Variants in BRWD3 observed in about 807,000 individuals in gnomAD.
BRWD3 encodes bromodomain and WD repeat domain containing 3.
In BRWD3, 10 loss-of-function variants were observed where a neutral mutation model predicts 149.7. The observed-to-expected ratio is 0.07, with a 90% confidence interval of 0.04 to 0.11. The LOEUF is 0.11. Among genes scored for constraint, BRWD3 ranks in the 10% least tolerant of loss-of-function variants. BRWD3 has a pLI of 1.00. For missense variants in BRWD3, 940 were observed against 1,373.2 expected (o/e 0.68, Z 4.99); for synonymous variants, 504 against 456.7 (o/e 1.10, Z -1.32).
chrX:80,684,852 G>A (rs758240203), intron 36 of BRWD3, among the ~76,000 whole-genome samples: 50 of 110,789 alleles, frequency 4.5e-4, no homozygotes, highest in Non-Finnish European at 8.7e-4. Flanking sequence ...AAGTTTCAGA[G>A]TGAAAACCAT....
chrX:80,735,621 G>A (rs1216248239), intron 9 of BRWD3, among the ~76,000 whole-genome samples: 4 of 109,776 alleles, frequency 3.6e-5, no homozygotes. Context: ...TGGCTAACAC[G>A]GTGAAACCCT....
chrX:80,723,767 C>T lies in BRWD3; in HGVS notation c.1631G>A (p.Cys544Tyr). The T allele has an allele frequency of 8.3e-7, 1 of 1,210,571 alleles. No individual in the cohort carries two copies. The highest frequency in any genetic ancestry group is 1.1e-6 in the Non-Finnish European group (1 of 894,447). The change falls in exon 16 of 41, where the codon TGC becomes TAC. Residue 544 changes from cysteine (C) to tyrosine (Y), a missense_variant. Transcript: ENST00000373275. ...HGHLLLFGFG[C>Y]SKYYEKIPDQ... ...GCTAACCTTTTCGTAGTATTTACTG[C>T]ATCCAAAACCAAAAAGCAGCAAATG...
chrX:80,789,189 T>C (rs924028823), intron 6 of BRWD3, among the ~76,000 whole-genome samples: 4 of 111,730 alleles, frequency 3.6e-5, no homozygotes, highest in African/African-American at 1.3e-4. Flanking sequence ...TGACAGATAG[T>C]CTATTTAGAA....
intron 6 of BRWD3, among the ~76,000 whole-genome samples, chrX:80,754,782 A>G (rs2073717596): frequency 8.9e-6 from 1 of 111,984 alleles, no homozygotes; most frequent in Non-Finnish European, 1.9e-5. Context: ...TGAGGCAGGC[A>G]GATCACTTGA....
chrX:80,713,196 A>G lies in BRWD3; in HGVS notation c.2325+2961T>C, dbSNP rs1271561707. ...CCACCCCGTCTGGGAGGTGTACCCA[A>G]CAGCTCATTGAGAACGGGCCATGAT... is the stretch of plus-strand genomic sequence containing the variant. On this transcript the variant is annotated intron_variant, in intron 20 of 40. Coordinates refer to ENST00000373275, the MANE Select transcript of BRWD3 (RefSeq NM_153252.5). Among the ~76,000 whole-genome samples the G allele has an allele frequency of 3.6e-5, 4 of 111,121 alleles. No homozygotes were observed. The East Asian group carries it at 8.7e-4, about 24-fold the overall frequency.
chrX:80,725,586 G>A (rs1418187782), intron 14 of BRWD3, among the ~76,000 whole-genome samples: 1 of 112,400 alleles, frequency 8.9e-6, no homozygotes, highest in East Asian at 2.8e-4. Flanking sequence ...TACATTTCCT[G>A]CTAAAAAGAA....
chrX:80,684,264 C>A, intron 36 of BRWD3, 102 bp from the exon 37 acceptor site: 1 of 753,284 alleles, frequency 1.3e-6, no homozygotes, highest in South Asian at 2.5e-5. Flanking sequence ...GAAATAAACA[C>A]ATTGCTTTTC....
At chrX:80,753,650 T>C (rs2073700499) in intron 6 of BRWD3, among the ~76,000 whole-genome samples, 1 of 111,717 alleles carries the variant, frequency 9.0e-6, no homozygotes, top group South Asian at 3.7e-4. Flanking sequence ...ATTTTTATAG[T>C]TGTGGGTATT....
In BRWD3 at chrX:80,729,926, T is replaced by C. The variant is rs1159622551; in HGVS notation, c.1222A>G (p.Lys408Glu). 1 of 1,186,339 alleles carries C rather than the reference T, an allele frequency of 8.4e-7. No individual in the cohort carries two copies. The highest frequency in any genetic ancestry group is 1.1e-6 in the Non-Finnish European group (1 of 872,214). Residue 408 changes from lysine to glutamate, a missense_variant, in exon 13 of 41, where the codon AAA (lysine) becomes GAA (glutamate). Lys to Glu is a moderately conservative substitution (Grantham distance 56). Transcript: ENST00000373275. ...WKSIVLDMATKMTGNNLPSGE... is the reference protein window; with the variant it reads ...WKSIVLDMATEMTGNNLPSGE... ...AACATATATTCTTACCCAGTCATTT[T>C]AGTAGCCATGTCTAGCACTATACTC...
At chrX:80,679,062 G>A in intron 40 of BRWD3, among the ~76,000 whole-genome samples, 1 of 111,930 alleles carries the variant, frequency 8.9e-6, no homozygotes, top group Middle Eastern at 4.6e-3. Flanking sequence ...CAGGGAAAAA[G>A]CCCTTATCAG....
intron 6 of BRWD3, among the ~76,000 whole-genome samples, chrX:80,769,532 C>T (rs1364521310): frequency 9.0e-6 from 1 of 111,426 alleles, no homozygotes; most frequent in African/African-American, 3.3e-5. Context: ...AAAAGATGAT[C>T]TTTGAAACCA....
chrX:80,738,338 G>A (rs1359042686), intron 8 of BRWD3, among the ~76,000 whole-genome samples: 1 of 111,593 alleles, frequency 9.0e-6, no homozygotes, highest in Non-Finnish European at 1.9e-5. Context: ...GTTATGGACT[G>A]TTTAATACAT....
chrX:80,770,512 C>T (rs921429482), intron 6 of BRWD3, among the ~76,000 whole-genome samples: 2 of 111,495 alleles, frequency 1.8e-5, no homozygotes, highest in African/African-American at 6.5e-5. Context: ...ACATGATTAT[C>T]TCAATAGATG....
chrX:80,781,584 T>A (rs1349184547), intron 6 of BRWD3, among the ~76,000 whole-genome samples: 1 of 110,886 alleles, frequency 9.0e-6, no homozygotes, highest in Admixed American at 9.7e-5. Context: ...TGGGGCATAG[T>A]AGGGGTCGTG....
Position 80,716,228 on chromosome X carries a change from C to T in BRWD3, c.2254G>A (p.Ala752Thr). 1 of 1,208,631 alleles carries T rather than the reference C, an allele frequency of 8.3e-7. No individual in the cohort carries two copies. The highest frequency in any genetic ancestry group is 1.7e-5 in the African/African-American group (1 of 57,749). The change falls in exon 20 of 41, where the codon GCA becomes ACA. Residue 752 changes from alanine (A) to threonine (T), a missense_variant. Around this residue, in one of 6 missense-constraint regions of BRWD3, gnomAD observed 103 missense variants for 103.2 expected, o/e 1.00. Coordinates refer to ENST00000373275, the MANE Select transcript of BRWD3 (RefSeq NM_153252.5). ...VSRVQEECRT[A>T]KGDIEISLYT... Reference sequence around the variant, plus strand: ...AGACTGATTTCTATGTCACCTTTTGCAGTTCGACATTCTTCCTGTACCCTA... The same window carrying T: ...AGACTGATTTCTATGTCACCTTTTGTAGTTCGACATTCTTCCTGTACCCTA...
chrX:80,745,808 GACAAA>G lies in BRWD3; in HGVS notation c.431-84_431-80del, dbSNP rs746352783. Reference sequence around the variant, plus strand: ...AATTAAGTCATAAATATTAAGATGAGACAAAACAGAGTACATATATTATAGCAATT... The same window carrying G: ...AATTAAGTCATAAATATTAAGATGAGACAGAGTACATATATTATAGCAATT... On this transcript the variant is annotated intron_variant, in intron 6 of 40. Transcript: ENST00000373275. 6.5e-6 allele frequency: 6 copies of G among 918,188 alleles called. No homozygotes were observed. The East Asian group carries it at 2.0e-4, about 31-fold the overall frequency. 75.7% of individuals were successfully genotyped at this position (918,188 alleles called of 1,213,427 possible).
intron 6 of BRWD3, among the ~76,000 whole-genome samples, chrX:80,778,759 G>C (rs886364741): frequency 2.7e-5 from 3 of 112,493 alleles, no homozygotes; most frequent in Non-Finnish European, 5.6e-5. Flanking sequence ...AGCACTTTGA[G>C]AGGCCAAGGC....
intron 4 of BRWD3, among the ~76,000 whole-genome samples, chrX:80,803,463 C>T (rs893126164): frequency 2.7e-5 from 3 of 111,262 alleles, no homozygotes; most frequent in East Asian, 2.8e-4. Flanking sequence ...ATTGAAAGTA[C>T]GTTCCTTAGA....
At chrX:80,756,824 G>A (rs1248306772) in intron 6 of BRWD3, among the ~76,000 whole-genome samples, 1 of 111,647 alleles carries the variant, frequency 9.0e-6, no homozygotes, top group African/African-American at 3.3e-5. Context: ...TTTAAAAAAT[G>A]AACACACACA....
Sources: gnomAD v4.1 joint callset for allele counts (sites outside exome capture counted in the v4.1 genomes callset) on GRCh38, gnomAD v4.1.1 for gene constraint, gnomAD v4.1.1 regional missense constraint, MANE v1.5 for transcripts, NCBI Gene and HGNC (gene_info 2026-07-23, HGNC 2026-07-21) for gene names.